The following AUTS2 variants were observed in gnomAD, a reference collection of about 807,000 sequenced individuals.
AUTS2 encodes the protein autism susceptibility gene 2 protein.
AUTS2 carries 17 observed loss-of-function variants against 112.4 expected under a neutral mutation model. The ratio of observed to expected loss-of-function variants is 0.15; its 90% confidence interval spans 0.10 to 0.23. The LOEUF (loss-of-function observed/expected upper bound fraction) is 0.23, where lower values mean the gene tolerates loss of function less well. AUTS2 is among the 10% of genes least tolerant of loss of function. The pLI, the probability that AUTS2 is intolerant of heterozygous loss-of-function variation, is 1.00. For missense variants in AUTS2, 1,510 were observed against 1,701.6 expected, an observed-to-expected ratio of 0.89 and a Z score of 1.98; for synonymous variants, 751 against 702.7, an observed-to-expected ratio of 1.07 and a Z score of -1.09.
chr7:69,754,199 C>T lies in AUTS2; in HGVS notation c.310-145087C>T, dbSNP rs192240320. 7.2e-5 allele frequency among the ~76,000 whole-genome samples: 11 copies of T among 152,208 alleles called. No homozygotes were observed. The East Asian group carries it at 2.1e-3, about 29-fold the overall frequency. ...CTTCATGCCTCAGCCAATCCAGGCCCCAACACTGTGTGGGAAGAGGTGTTC... is the reference window on the plus strand; with the variant it reads ...CTTCATGCCTCAGCCAATCCAGGCCTCAACACTGTGTGGGAAGAGGTGTTC... On this transcript the variant is annotated intron_variant, in intron 1 of 18. Coordinates refer to ENST00000342771, the MANE Select transcript of AUTS2 (RefSeq NM_015570.4).
chr7:69,914,054 T>G (rs1795464581), intron 2 of AUTS2, among the ~76,000 whole-genome samples: 1 of 152,144 alleles, frequency 6.6e-6, no homozygotes, highest in Non-Finnish European at 1.5e-5. Context: ...TCTTCTGTGT[T>G]TTGCACTCAC....
At position 70,395,740 on chromosome 7, in the gene AUTS2, T is replaced by A. The variant is rs572574828; in HGVS notation, c.661-40012T>A. Reference sequence around the variant, plus strand: ...TTTGAAGATAAACATGGATTACAGGTTCAAGGAGCCTACGAGAGTCAGAAG... The same window carrying A: ...TTTGAAGATAAACATGGATTACAGGATCAAGGAGCCTACGAGAGTCAGAAG... On this transcript the variant is annotated intron_variant, in intron 4 of 18. Transcript: ENST00000342771. Among the ~76,000 whole-genome samples, 10 of 152,232 alleles carry A rather than the reference T, an allele frequency of 6.6e-5. No homozygotes were observed. In the East Asian group the frequency reaches 1.9e-3, roughly 29 times the overall value.
intron 4 of AUTS2, among the ~76,000 whole-genome samples, chr7:70,244,047 G>A (rs1488760749): frequency 6.6e-6 from 1 of 151,988 alleles, no homozygotes; most frequent in Non-Finnish European, 1.5e-5. Context: ...AAATGAGAGG[G>A]TACTGTGTGA....
chr7:70,099,657 A>G (rs1157167098), intron 2 of AUTS2, among the ~76,000 whole-genome samples: 1 of 152,206 alleles, frequency 6.6e-6, no homozygotes, highest in Non-Finnish European at 1.5e-5. Context: ...GCAGAAAAAG[A>G]CACGTTATGC....
At position 70,784,975 on chromosome 7, in the gene AUTS2, C is replaced by T. The variant is rs771967688; in HGVS notation, c.2180C>T (p.Pro727Leu). The T allele has an allele frequency of 6.2e-7, 1 of 1,614,092 alleles. No individual in the cohort carries two copies. Among genetic ancestry groups the T allele is most frequent in the Non-Finnish European group, 8.5e-7 (1 of 1,180,024 alleles). The part of the protein sequence containing the change: ...AAHPTGTPFG[P>L]PPHHSNFLNP... ...CACCCAACTGGGACCCCTTTTGGGC[C>T]ACCTCCTCATCACAGCAACTTCCTC... Residue 727 changes from proline (P) to leucine (L), a missense_variant, in exon 16 of 19, where the codon CCA becomes CTA. Around this residue, in one of 3 missense-constraint regions of AUTS2, gnomAD observed 788 missense variants for 797.6 expected, o/e 0.99. Coordinates refer to ENST00000342771, the MANE Select transcript of AUTS2 (RefSeq NM_015570.4).
At chr7:69,659,590 T>TTTC (rs1795698696) in intron 1 of AUTS2, among the ~76,000 whole-genome samples, 1 of 144,444 alleles carries the variant, frequency 6.9e-6, no homozygotes, top group East Asian at 2.0e-4. Context: ...GTTGTTTTTT[T>TTTC]TTTTTTTTTT....
intron 1 of AUTS2, among the ~76,000 whole-genome samples, chr7:69,601,129 C>G (rs1478536945): frequency 6.6e-6 from 1 of 151,946 alleles, no homozygotes; most frequent in African/African-American, 2.4e-5. Context: ...CTCCCTGTCC[C>G]CACCCCCCAC....
At chr7:70,707,596 G>A (rs1809807115) in intron 6 of AUTS2, among the ~76,000 whole-genome samples, 1 of 152,118 alleles carries the variant, frequency 6.6e-6, no homozygotes, top group Non-Finnish European at 1.5e-5. Flanking sequence ...CTTCCCTAGG[G>A]CTTTTCCTCC....
At position 70,458,429 on chromosome 7, in the gene AUTS2, C is replaced by T. The variant is rs767936002; in HGVS notation, c.690+22648C>T. Among the ~76,000 whole-genome samples the T allele has an allele frequency of 2.0e-5, 3 of 152,294 alleles. No homozygotes were observed. In the East Asian group the frequency reaches 5.8e-4, roughly 29 times the overall value. On this transcript the variant is annotated intron_variant, in intron 5 of 18. Transcript: ENST00000342771. The stretch of plus-strand genomic sequence containing the variant: ...TGGTCTCTCAAGTATAAAGAATACC[C>T]TACTTCATGACCCCAGCCTCTTGTT...
intron 1 of AUTS2, among the ~76,000 whole-genome samples, chr7:69,811,514 A>G (rs943505592): frequency 5.3e-5 from 8 of 151,962 alleles, no homozygotes; most frequent in Non-Finnish European, 8.8e-5. Flanking sequence ...TCTTATTTCT[A>G]TTCATTACCT....
At chr7:70,245,834 A>C (rs1317809575) in intron 4 of AUTS2, among the ~76,000 whole-genome samples, 2 of 152,086 alleles carry the variant, frequency 1.3e-5, no homozygotes, top group Admixed American at 6.6e-5. Flanking sequence ...AATTAATTGT[A>C]CCAATTTCCA....
intron 1 of AUTS2, among the ~76,000 whole-genome samples, chr7:69,840,843 G>C (rs1459337178): frequency 6.6e-6 from 1 of 152,168 alleles, no homozygotes; most frequent in Non-Finnish European, 1.5e-5. Flanking sequence ...ACAAATGGAT[G>C]CTACCAAATA....
intron 4 of AUTS2, among the ~76,000 whole-genome samples, chr7:70,338,254 T>C (rs1791085718): frequency 6.6e-6 from 1 of 152,196 alleles, no homozygotes; most frequent in African/African-American, 2.4e-5. Context: ...TTTGACAGAG[T>C]AAGTGCCCCT....
At chr7:70,571,811 G>A (rs966331352) in intron 5 of AUTS2, among the ~76,000 whole-genome samples, 3 of 152,176 alleles carry the variant, frequency 2.0e-5, no homozygotes, top group Non-Finnish European at 4.4e-5. Context: ...GGGCAGTCAC[G>A]TCTTTGCAGG....
In AUTS2 at chr7:70,486,713, C is replaced by T. The variant is rs984664925; in HGVS notation, c.690+50932C>T. Among the ~76,000 whole-genome samples the T allele has an allele frequency of 2.0e-4, 31 of 152,050 alleles. 1 individual carries two copies. Among genetic ancestry groups the T allele is most frequent in the Non-Finnish European group, 5.9e-5 (4 of 67,990 alleles). On this transcript the variant is annotated intron_variant, in intron 5 of 18. Transcript: ENST00000342771. Reference sequence around the variant, plus strand: ...GGCAGAGGTTGCAGTGAGCCAAGATCACGCCACTGCACTCCCGCCTGTGTG... The same window carrying T: ...GGCAGAGGTTGCAGTGAGCCAAGATTACGCCACTGCACTCCCGCCTGTGTG...
intron 1 of AUTS2, among the ~76,000 whole-genome samples, chr7:69,779,614 A>G (rs913382759): frequency 2.2e-4 from 33 of 151,710 alleles, no homozygotes; most frequent in South Asian, 4.2e-4. Context: ...ATACAAAAAT[A>G]TAGCTGGGCT....
At chr7:69,876,349 AATATATATATATAT>A (rs61416382) in intron 1 of AUTS2, among the ~76,000 whole-genome samples, 12 of 29,494 alleles carry the variant, frequency 4.1e-4, no homozygotes, top group South Asian at 1.9e-3. Context: ...AAAAAAAAAA[AATATATATATATAT>A]ATATATATAT....
intron 1 of AUTS2, among the ~76,000 whole-genome samples, chr7:69,717,002 C>A (rs1029307492): frequency 6.6e-6 from 1 of 152,092 alleles, no homozygotes; most frequent in South Asian, 2.1e-4. Flanking sequence ...TTAGCTCTTG[C>A]GAAGCTCATT....
At chr7:70,376,019 TAA>T (rs536175849) in intron 4 of AUTS2, among the ~76,000 whole-genome samples, 69 of 141,292 alleles carry the variant, frequency 4.9e-4, no homozygotes, top group Admixed American at 6.4e-4. Context: ...TTTTTGTCGT[TAA>T]AAAAAAAAAA....
Sources: allele counts gnomAD v4.1 joint callset (sites outside exome capture counted in the v4.1 genomes callset), GRCh38; gene constraint gnomAD v4.1.1; regional missense constraint gnomAD v4.1.1; transcripts MANE v1.5; gene names NCBI Gene and HGNC (gene_info 2026-07-23, HGNC 2026-07-21).